The following CPVL variants were observed in gnomAD, a reference collection of about 807,000 sequenced individuals.
CPVL encodes probable serine carboxypeptidase CPVL.
CPVL carries 51 observed loss-of-function variants against 63.7 expected under a neutral mutation model. That is an observed-to-expected ratio of 0.80 (90% CI 0.64 to 1.01). The LOEUF (loss-of-function observed/expected upper bound fraction) is 1.01, where lower values mean the gene tolerates loss of function less well. CPVL is among the 50% of genes least tolerant of loss of function. The pLI is 0.00. For missense variants in CPVL, 530 were observed against 573.1 expected (o/e 0.92, Z 0.77); for synonymous variants, 195 against 206.0 (o/e 0.95, Z 0.46).
At chr7:29,115,176 C>T (rs1447424901) in intron 2 of CPVL, among the ~76,000 whole-genome samples, 1 of 152,218 alleles carries the variant, frequency 6.6e-6, no homozygotes, top group Non-Finnish European at 1.5e-5. Context: ...CATATGAACC[C>T]TTAGCCTAGC....
intron 11 of CPVL, among the ~76,000 whole-genome samples, chr7:29,041,737 T>C (rs1008153381): frequency 1.3e-5 from 2 of 152,198 alleles, no homozygotes. Flanking sequence ...AAGTGTATTA[T>C]AAGCACTTAA....
chr7:29,160,758 A>G (rs2128709374), intron 5 of CPVL, among the ~76,000 whole-genome samples: 1 of 152,310 alleles, frequency 6.6e-6, no homozygotes, highest in African/African-American at 2.4e-5. Flanking sequence ...GGGCTAAAAG[A>G]GCCTGGGCTC....
chr7:29,067,442 A>C (rs1783245121), intron 9 of CPVL, among the ~76,000 whole-genome samples: 2 of 152,166 alleles, frequency 1.3e-5, no homozygotes, highest in African/African-American at 2.4e-5. Context: ...AGGAGGAGGC[A>C]GGGAACATGA....
chr7:29,019,714 A>G (rs868589523), intron 12 of CPVL, among the ~76,000 whole-genome samples: 1 of 152,218 alleles, frequency 6.6e-6, no homozygotes, highest in Non-Finnish European at 1.5e-5. Context: ...GACGCTTGAC[A>G]CTTGGACAGT....
intron 3 of CPVL, among the ~76,000 whole-genome samples, chr7:29,110,205 T>C (rs762755309): frequency 6.6e-6 from 1 of 152,138 alleles, no homozygotes. Flanking sequence ...GAATTGGAGT[T>C]CTCCAGCTAG....
chr7:29,109,839 T>C (rs966395917), intron 3 of CPVL, among the ~76,000 whole-genome samples: 7 of 152,132 alleles, frequency 4.6e-5, no homozygotes, highest in Non-Finnish European at 8.8e-5. Flanking sequence ...ACAGCTAGGT[T>C]TTCATTTAAT....
At chr7:29,084,584 T>A (rs1667159452) in intron 7 of CPVL, among the ~76,000 whole-genome samples, 1 of 152,198 alleles carries the variant, frequency 6.6e-6, no homozygotes, top group Non-Finnish European at 1.5e-5. Flanking sequence ...TATTCACCAT[T>A]ATGTTCCTAG....
chr7:29,100,137 G>C (rs1786949518), intron 3 of CPVL, among the ~76,000 whole-genome samples: 1 of 152,168 alleles, frequency 6.6e-6, no homozygotes, highest in South Asian at 2.1e-4. Context: ...AATGGGATCT[G>C]GGTGGAAGGT....
chr7:29,092,000 C>T (rs374039854), intron 6 of CPVL, among the ~76,000 whole-genome samples: 7 of 151,830 alleles, frequency 4.6e-5, no homozygotes, highest in African/African-American at 1.7e-4. Flanking sequence ...GCCCTAGTGA[C>T]CAGAAAGAAT....
chr7:29,071,709 A>AGGCC, intron 9 of CPVL, 64 bp downstream of exon 9: 2 of 472,930 alleles, frequency 4.2e-6, no homozygotes, highest in Non-Finnish European at 8.4e-6. Context: ...GTTCCTGCTC[A>AGGCC]CCCGCCCTCC....
chr7:29,155,901 G>A (rs1163997182), intron 5 of CPVL, among the ~76,000 whole-genome samples: 6 of 152,140 alleles, frequency 3.9e-5, no homozygotes, highest in East Asian at 3.9e-4. Flanking sequence ...CAGGGTCTGT[G>A]AGCTGGGAAA....
chr7:29,162,996 G>A (rs1448798180), intron 5 of CPVL, among the ~76,000 whole-genome samples: 1 of 152,134 alleles, frequency 6.6e-6, no homozygotes, highest in Non-Finnish European at 1.5e-5. Flanking sequence ...ATATGCATGA[G>A]GTGTAGTTAA....
intron 3 of CPVL, among the ~76,000 whole-genome samples, chr7:29,112,193 C>G (rs1788303254): frequency 6.6e-6 from 1 of 152,176 alleles, no homozygotes; most frequent in South Asian, 2.1e-4. Flanking sequence ...TCTGTCTCCT[C>G]TGTGGCCCCC....
intron 5 of CPVL, among the ~76,000 whole-genome samples, chr7:29,153,058 C>T (rs1462007922): frequency 3.9e-5 from 6 of 152,356 alleles, no homozygotes; most frequent in Admixed American, 3.3e-4. Flanking sequence ...TAGCACTCTA[C>T]ACCACCATGT....
intron 11 of CPVL, among the ~76,000 whole-genome samples, chr7:29,060,431 C>T (rs2128559258): frequency 6.6e-6 from 1 of 152,276 alleles, no homozygotes; most frequent in East Asian, 1.9e-4. Context: ...CAGCTAACTC[C>T]TAAAAGTCCT....
At chr7:29,078,364 T>G (rs1173245122) in intron 7 of CPVL, among the ~76,000 whole-genome samples, 1 of 152,262 alleles carries the variant, frequency 6.6e-6, no homozygotes, top group African/African-American at 2.4e-5. Context: ...GTGAACAAGA[T>G]GCATCCTTTT....
At chr7:29,065,686 A>G (rs987762024) in intron 10 of CPVL, among the ~76,000 whole-genome samples, 1 of 152,180 alleles carries the variant, frequency 6.6e-6, no homozygotes, top group African/African-American at 2.4e-5. Flanking sequence ...AGACTCGTAA[A>G]CAGACTTGAA....
At chr7:29,142,664 T>C (rs1792027141) in intron 1 of CPVL, among the ~76,000 whole-genome samples, 1 of 151,894 alleles carries the variant, frequency 6.6e-6, no homozygotes, top group Non-Finnish European at 1.5e-5. Flanking sequence ...TAGTTGGGAT[T>C]ACAGGCATGC....
intron 3 of CPVL, chr7:29,096,490 T>C: frequency 4.1e-6 from 2 of 492,774 alleles, no homozygotes; most frequent in Non-Finnish European, 7.3e-6. Context: ...TAAATGTAGA[T>C]GCTTGGCTTG....
Sources: allele counts gnomAD v4.1 joint callset (sites outside exome capture counted in the v4.1 genomes callset), GRCh38; gene constraint gnomAD v4.1.1; transcripts MANE v1.5; gene names NCBI Gene and HGNC (gene_info 2026-07-23, HGNC 2026-07-21).